Variants in TENM2 observed in about 807,000 individuals in gnomAD.
TENM2 encodes the protein teneurin-2.
Under a neutral mutation model 245.2 loss-of-function variants are expected in TENM2, and 52 were observed. The observed-to-expected ratio is 0.21, with a 90% CI of 0.17 to 0.27. The LOEUF (loss-of-function observed/expected upper bound fraction) is 0.27. Among genes scored for constraint, TENM2 ranks in the 10% least tolerant of loss-of-function variants. The probability of loss-of-function intolerance (pLI) is 1.00; values close to 1 mark genes in which losing one functional copy is unlikely to be tolerated. For missense variants in TENM2, 3,046 were observed against 3,666.8 expected (o/e 0.83, Z 4.37); for synonymous variants, 1,363 against 1,438.9 (o/e 0.95, Z 1.19).
At chr5:168,263,770 G>A (rs1050239229), downstream of TENM2, 4 of 152,550 alleles carry the variant, frequency 2.6e-5, no homozygotes, top group Non-Finnish European at 4.4e-5. Context: ...GTGCAGCATC[G>A]TGACACTTTT....
the TENM2 span, among the ~76,000 whole-genome samples, chr5:167,015,703 A>T: frequency 1.3e-5 from 2 of 152,164 alleles, no homozygotes; most frequent in Non-Finnish European, 2.9e-5. Context: ...TAAGGATACC[A>T]ACATTAACCA....
intron 2 of TENM2, among the ~76,000 whole-genome samples, chr5:167,520,687 G>C (rs1163778817): frequency 6.6e-6 from 1 of 151,936 alleles, no homozygotes; most frequent in Non-Finnish European, 1.5e-5. Context: ...GAAGTGTGTG[G>C]CTTGCCTTCT....
intron 2 of TENM2, among the ~76,000 whole-genome samples, chr5:167,709,791 G>C (rs1194383542): frequency 6.6e-6 from 1 of 152,172 alleles, no homozygotes; most frequent in East Asian, 1.9e-4. Context: ...AAAAATGAGA[G>C]AGAAACCAAA....
At chr5:167,283,210 A>AT (rs112700134), upstream of TENM2, among the ~76,000 whole-genome samples, 1,594 of 148,848 alleles carry the variant, frequency 0.011, 21 homozygotes, top group African/African-American at 0.034. Flanking sequence ...GGCCCAGCGA[A>AT]TTTTTTTTTT....
intron 2 of TENM2, among the ~76,000 whole-genome samples, chr5:167,422,405 G>A (rs1036739836): frequency 6.6e-6 from 1 of 152,146 alleles, no homozygotes; most frequent in African/African-American, 2.4e-5. Flanking sequence ...GATTTAAGCC[G>A]TGAGCTTTTA....
intron 23 of TENM2, among the ~76,000 whole-genome samples, chr5:168,224,366 T>A (rs573270679): frequency 7.8e-4 from 119 of 152,270 alleles, no homozygotes; most frequent in Non-Finnish European, 1.3e-3. Context: ...CCCAACACCT[T>A]TAGGCAGCGC....
At chr5:167,958,748 T>G (rs1354508839) in intron 4 of TENM2, among the ~76,000 whole-genome samples, 1 of 152,194 alleles carries the variant, frequency 6.6e-6, no homozygotes, top group Non-Finnish European at 1.5e-5. Context: ...AAGCTTAGTT[T>G]GACTGGATAT....
At chr5:167,179,883 T>C in the TENM2 span, among the ~76,000 whole-genome samples, 1 of 152,132 alleles carries the variant, frequency 6.6e-6, no homozygotes, top group Admixed American at 6.5e-5. Context: ...AGTTTTAAAA[T>C]AATAAAGAAG....
chr5:168,126,090 C>T (rs2152356383), intron 11 of TENM2, among the ~76,000 whole-genome samples: 1 of 152,316 alleles, frequency 6.6e-6, no homozygotes, highest in South Asian at 2.1e-4. Context: ...TCTGCCTCCT[C>T]CCCAAGCACA....
At chr5:167,563,557 C>G (rs977494243) in intron 2 of TENM2, among the ~76,000 whole-genome samples, 5 of 152,030 alleles carry the variant, frequency 3.3e-5, no homozygotes, top group African/African-American at 1.2e-4. Context: ...AATATAGAAC[C>G]CAATCTGTAG....
intron 2 of TENM2, among the ~76,000 whole-genome samples, chr5:167,674,715 G>A (rs1354017924): frequency 3.3e-5 from 5 of 152,072 alleles, no homozygotes; most frequent in Admixed American, 6.6e-5. Flanking sequence ...AAAGTACTTA[G>A]TAAGTATTCA....
intron 4 of TENM2, among the ~76,000 whole-genome samples, chr5:167,960,985 G>A (rs1780968580): frequency 1.3e-5 from 2 of 152,194 alleles, no homozygotes; most frequent in Non-Finnish European, 2.9e-5. Context: ...TCCTGGGTGA[G>A]GCGACGCCCC....
the TENM2 span, among the ~76,000 whole-genome samples, chr5:167,157,928 A>C: frequency 6.6e-6 from 1 of 152,234 alleles, no homozygotes; most frequent in Non-Finnish European, 1.5e-5. Context: ...ACAATGAGAA[A>C]GAAGAGAAGA....
At chr5:167,615,491 T>A (rs537357926) in intron 2 of TENM2, among the ~76,000 whole-genome samples, 1 of 152,288 alleles carries the variant, frequency 6.6e-6, no homozygotes, top group Non-Finnish European at 1.5e-5. Flanking sequence ...ATTTATTGTA[T>A]TTTTTACCTC....
intron 2 of TENM2, among the ~76,000 whole-genome samples, chr5:167,403,396 T>C (rs1365081271): frequency 6.6e-6 from 1 of 152,104 alleles, no homozygotes; most frequent in Non-Finnish European, 1.5e-5. Context: ...GCTATGCTAA[T>C]ATATTTGCCA....
intron 2 of TENM2, among the ~76,000 whole-genome samples, chr5:167,511,778 G>T (rs966484643): frequency 6.6e-6 from 1 of 152,142 alleles, no homozygotes; most frequent in African/African-American, 2.4e-5. Context: ...AAAATAAGGA[G>T]TGATGGTATG....
chr5:168,132,661 G>A lies in TENM2; in HGVS notation c.2422+5695G>A, dbSNP rs114271890. On this transcript the variant is annotated intron_variant, in intron 12 of 28. Coordinates refer to ENST00000518659, the Ensembl canonical transcript of TENM2. The stretch of plus-strand genomic sequence containing the variant: ...AAGAATTGAACAGTTTGGAACTCTT[G>A]CAACATAAACTCATGGATGAGAGTT... 7.8e-3 allele frequency among the ~76,000 whole-genome samples: 1,182 copies of A among 152,312 alleles called. 14 individuals are homozygous for A. The highest frequency in any genetic ancestry group is 0.027 in the African/African-American group (1,116 of 41,554).
chr5:168,130,670 G>T (rs1226813833), intron 12 of TENM2, among the ~76,000 whole-genome samples: 1 of 152,202 alleles, frequency 6.6e-6, no homozygotes, highest in Non-Finnish European at 1.5e-5. Flanking sequence ...GGCTGAGGTA[G>T]ACGGACCACT....
At chr5:167,334,623 T>C (rs1257467877) in intron 1 of TENM2, among the ~76,000 whole-genome samples, 1 of 152,230 alleles carries the variant, frequency 6.6e-6, no homozygotes, top group Non-Finnish European at 1.5e-5. Context: ...TCCTTTTTTC[T>C]TTTGTTCTCA....
Sources: allele counts gnomAD v4.1 joint callset (sites outside exome capture counted in the v4.1 genomes callset), GRCh38; gene constraint gnomAD v4.1.1; transcripts MANE v1.5; gene names NCBI Gene and HGNC (gene_info 2026-07-23, HGNC 2026-07-21).